CDH18: variants seen among roughly 807,000 people sequenced by gnomAD.
The protein encoded by CDH18 is cadherin-18.
In CDH18, 31 loss-of-function variants were observed where a neutral mutation model predicts 67.9. That is an observed-to-expected ratio of 0.46 (90% CI 0.34 to 0.62). CDH18 has a LOEUF of 0.62. CDH18 is among the 20% of genes least tolerant of loss of function. The pLI is 0.01. For synonymous variants in CDH18, 362 were observed against 347.2 expected, an observed-to-expected ratio of 1.04 and a Z score of -0.48; for missense variants, 890 against 975.5, an observed-to-expected ratio of 0.91 and a Z score of 1.17.
chr5:19,515,310 G>T (rs1745803347), intron 10 of CDH18, among the ~76,000 whole-genome samples: 1 of 152,144 alleles, frequency 6.6e-6, no homozygotes. Context: ...TTTTGCTTAG[G>T]ATTGTCTTGG....
At chr5:19,952,430 G>C (rs1170887739) in intron 2 of CDH18, among the ~76,000 whole-genome samples, 1 of 152,144 alleles carries the variant, frequency 6.6e-6, no homozygotes, top group African/African-American at 2.4e-5. Flanking sequence ...AGTGTTCCAA[G>C]AGTCTGGTTA....
intron 3 of CDH18, among the ~76,000 whole-genome samples, chr5:19,773,332 T>C (rs1251983062): frequency 6.6e-6 from 1 of 152,178 alleles, no homozygotes; most frequent in East Asian, 1.9e-4. Context: ...TTAAAAAAGA[T>C]ATATCCATGC....
At chr5:19,853,211 C>G (rs6873911) in intron 2 of CDH18, among the ~76,000 whole-genome samples, 43,419 of 151,942 alleles carry the variant, frequency 0.29, 7,651 homozygotes, top group South Asian at 0.38. Context: ...GGTCTCTCTT[C>G]CTTGCTTGCA....
At chr5:20,259,463 C>A (rs532341605) in intron 1 of CDH18, among the ~76,000 whole-genome samples, 9 of 152,116 alleles carry the variant, frequency 5.9e-5, no homozygotes, top group African/African-American at 1.9e-4. Context: ...CTTCCTTTTC[C>A]TCCTCCTACT....
At chr5:20,414,346 T>C (rs944304835) in intron 1 of CDH18, among the ~76,000 whole-genome samples, 16 of 152,204 alleles carry the variant, frequency 1.1e-4, no homozygotes, top group African/African-American at 3.9e-4. Context: ...GGTCCTTATC[T>C]TAAGTGAATT....
intron 1 of CDH18, among the ~76,000 whole-genome samples, chr5:20,489,258 A>G (rs539070207): frequency 2.7e-4 from 41 of 152,166 alleles, no homozygotes; most frequent in Non-Finnish European, 5.3e-4. Context: ...TTTTAAGCTA[A>G]TGTTTAGAGC....
At chr5:19,598,737 G>A (rs943756387) in intron 6 of CDH18, among the ~76,000 whole-genome samples, 1 of 152,026 alleles carries the variant, frequency 6.6e-6, no homozygotes, top group Admixed American at 6.6e-5. Context: ...ATTATGTTTA[G>A]TATTAAAAAT....
At chr5:19,554,380 T>A (rs897332591) in intron 8 of CDH18, among the ~76,000 whole-genome samples, 2 of 152,162 alleles carry the variant, frequency 1.3e-5, no homozygotes, top group East Asian at 3.9e-4. Context: ...CCAAACTCTG[T>A]CTCTACTAAA....
intron 1 of CDH18, chr5:20,304,535 C>A (rs567355878): frequency 6.2e-7 from 1 of 1,610,802 alleles, no homozygotes; most frequent in South Asian, 1.1e-5. Context: ...CTGGTAATAT[C>A]TTTGCCAAAT....
intron 2 of CDH18, among the ~76,000 whole-genome samples, chr5:20,064,603 C>T (rs1162166975): frequency 2.6e-5 from 4 of 152,056 alleles, no homozygotes; most frequent in Non-Finnish European, 1.5e-5. Context: ...TTGGACTTTT[C>T]AGATACCTAT....
intron 1 of CDH18, among the ~76,000 whole-genome samples, chr5:20,572,410 G>T (rs949141559): frequency 1.3e-5 from 2 of 149,100 alleles, no homozygotes; most frequent in African/African-American, 5.1e-5. Flanking sequence ...GATGCTGTTT[G>T]CATAATATAT....
intron 1 of CDH18, among the ~76,000 whole-genome samples, chr5:20,446,275 G>A (rs2150199116): frequency 6.6e-6 from 1 of 152,244 alleles, no homozygotes; most frequent in Admixed American, 6.5e-5. Flanking sequence ...CATCAGAGTA[G>A]AGTCAGGGCA....
At chr5:19,682,774 G>A (rs950572113) in intron 5 of CDH18, among the ~76,000 whole-genome samples, 5 of 151,984 alleles carry the variant, frequency 3.3e-5, no homozygotes, top group Non-Finnish European at 5.9e-5. Flanking sequence ...GGCATTGATT[G>A]ATACTATCAA....
rs376091293 is a variant in CDH18 at position 20,538,898 on chromosome 5, G to GTTTTTTTTTT, written c.-580+36554_-580+36563dup. ...TGGATATACATCCACATAGCCAACT[G>GTTTTTTTTTT]TTTTTTTTTTGTTTTTTTTTTTTTT... On this transcript the variant is annotated intron_variant, in intron 1 of 14. Coordinates refer to the CDH18 transcript ENST00000507958. 4.7e-4 allele frequency among the ~76,000 whole-genome samples: 50 copies of GTTTTTTTTTT among 106,756 alleles called. 13 individuals carry two copies. The highest frequency in any genetic ancestry group is 7.2e-4 in the Non-Finnish European group (40 of 55,174). The allele number at this position is 106,756 out of a possible 152,430, so 70.0% of individuals were successfully genotyped here. A position where few individuals can be genotyped will look rare whatever the true frequency, so the allele number is the denominator to read the frequency against.
At chr5:19,541,818 A>G (rs1308607512) in intron 9 of CDH18, among the ~76,000 whole-genome samples, 1 of 152,136 alleles carries the variant, frequency 6.6e-6, no homozygotes, top group Admixed American at 6.5e-5. Context: ...GATATGGGTG[A>G]GGACAACCAA....
intron 2 of CDH18, among the ~76,000 whole-genome samples, chr5:20,156,380 C>T (rs1751527966): frequency 6.6e-6 from 1 of 152,050 alleles, no homozygotes; most frequent in Non-Finnish European, 1.5e-5. Flanking sequence ...TATATCTCTA[C>T]CATGGAATGC....
intron 1 of CDH18, among the ~76,000 whole-genome samples, chr5:20,539,528 G>T (rs576574932): frequency 2.0e-4 from 31 of 152,208 alleles, no homozygotes; most frequent in African/African-American, 7.5e-4. Flanking sequence ...GAAACAACAA[G>T]AAATGGGTTG....
rs779288663 is a variant in CDH18 at position 19,520,561 on chromosome 5, A to T, written c.1512+96T>A. 1.2e-4 allele frequency: 122 copies of T among 1,048,190 alleles called. 1 individual carries two copies. Among genetic ancestry groups the T allele is most frequent in the Non-Finnish European group, 1.5e-4 (111 of 754,510 alleles). 64.9% of individuals were successfully genotyped at this position (1,048,190 alleles called of 1,614,324 possible). On this transcript the variant is annotated intron_variant, in intron 10 of 12. Transcript: ENST00000382275. The stretch of plus-strand genomic sequence containing the variant: ...TTATTTCCACTGAGTACAAAATTAC[A>T]CTGTGGGCTTTGGGGGATTATACCT...
chr5:20,349,597 C>T (rs1268390896), intron 1 of CDH18, among the ~76,000 whole-genome samples: 1 of 151,996 alleles, frequency 6.6e-6, no homozygotes, highest in African/African-American at 2.4e-5. Context: ...TAAGTAAAGA[C>T]ATGAAAAGGA....
Sources: gnomAD v4.1 joint callset for allele counts (sites outside exome capture counted in the v4.1 genomes callset) on GRCh38, gnomAD v4.1.1 for gene constraint, MANE v1.5 for transcripts, NCBI Gene and HGNC (gene_info 2026-07-23, HGNC 2026-07-21) for gene names.